The following GPATCH8 variants were observed in gnomAD, a reference collection of about 807,000 sequenced individuals.
GPATCH8 encodes the protein G patch domain-containing protein 8.
In GPATCH8, 18 loss-of-function variants were observed where a neutral mutation model predicts 118.3. The ratio of observed to expected loss-of-function variants is 0.15; its 90% CI spans 0.11 to 0.23. The LOEUF (loss-of-function observed/expected upper bound fraction) is 0.23. GPATCH8 is among the 10% of genes least tolerant of loss of function. The probability of loss-of-function intolerance (pLI) is 1.00; values close to 1 mark genes in which losing one functional copy is unlikely to be tolerated. For synonymous variants in GPATCH8, 659 were observed against 684.7 expected (o/e 0.96, Z 0.59); for missense variants, 1,631 against 1,873.8 (o/e 0.87, Z 2.39).
At chr17:44,440,273 C>T (rs915627950) in intron 3 of GPATCH8, among the ~76,000 whole-genome samples, 2 of 152,180 alleles carry the variant, frequency 1.3e-5, no homozygotes, top group Non-Finnish European at 2.9e-5. Context: ...AAAAGATCTA[C>T]AGACACTTAC....
intron 3 of GPATCH8, among the ~76,000 whole-genome samples, chr17:44,441,287 AAAGG>A (rs1254090919): frequency 5.9e-5 from 9 of 152,250 alleles, no homozygotes; most frequent in Non-Finnish European, 1.3e-4. Context: ...AACAAATTAG[AAAGG>A]AAGAAGCTTC....
chr17:44,469,103 A>G (rs902779622), intron 2 of GPATCH8, among the ~76,000 whole-genome samples: 6 of 152,294 alleles, frequency 3.9e-5, no homozygotes, highest in Non-Finnish European at 8.8e-5. Flanking sequence ...CTATTTCTAC[A>G]CATAAATATA....
chr17:44,468,164 G>C (rs377041275), intron 2 of GPATCH8, among the ~76,000 whole-genome samples: 15 of 151,628 alleles, frequency 9.9e-5, no homozygotes, highest in Non-Finnish European at 1.9e-4. Flanking sequence ...GTAGAGACAG[G>C]GTTTCACCAC....
At chr17:44,434,886 C>T (rs973843025) in intron 5 of GPATCH8, among the ~76,000 whole-genome samples, 179 bp downstream of exon 5, 3 of 152,162 alleles carry the variant, frequency 2.0e-5, no homozygotes, top group Non-Finnish European at 4.4e-5. Context: ...ATTATTATCT[C>T]TATAGTTTAT....
At chr17:44,409,649 T>G (rs1340043884) in intron 6 of GPATCH8, among the ~76,000 whole-genome samples, 1 of 152,202 alleles carries the variant, frequency 6.6e-6, no homozygotes, top group Non-Finnish European at 1.5e-5. Flanking sequence ...TACTAGCCAA[T>G]CCACTTATTA....
At chr17:44,431,742 G>A (rs925073953) in intron 5 of GPATCH8, among the ~76,000 whole-genome samples, 1 of 151,862 alleles carries the variant, frequency 6.6e-6, no homozygotes, top group Non-Finnish European at 1.5e-5. Context: ...ACCAGCCTGG[G>A]CAACATAGTG....
At chr17:44,420,794 G>A (rs781239043) in intron 6 of GPATCH8, among the ~76,000 whole-genome samples, 1 of 152,084 alleles carries the variant, frequency 6.6e-6, no homozygotes, top group African/African-American at 2.4e-5. Context: ...AATCTGTTTT[G>A]CTTTTTTTCC....
intron 3 of GPATCH8, among the ~76,000 whole-genome samples, chr17:44,462,983 A>AAC: frequency 1.2e-5 from 1 of 83,558 alleles, no homozygotes; most frequent in Non-Finnish European, 2.7e-5. Flanking sequence ...TCCACTTCAA[A>AAC]ATATAAATAA....
intron 2 of GPATCH8, 187 bp downstream of exon 2, chr17:44,474,642 G>C (rs928925296): frequency 7.4e-6 from 5 of 677,560 alleles, no homozygotes; most frequent in African/African-American, 7.1e-5. Flanking sequence ...TTTTTGGACT[G>C]ATTTCCCAAC....
intron 2 of GPATCH8, among the ~76,000 whole-genome samples, chr17:44,472,213 T>C (rs77507629): frequency 0.02 from 3,026 of 152,300 alleles, 107 homozygotes; most frequent in African/African-American, 0.069. Flanking sequence ...GCCTGAGTAC[T>C]ATATACTATT....
chr17:44,483,313 C>T (rs2144423598), intron 1 of GPATCH8, among the ~76,000 whole-genome samples: 1 of 141,528 alleles, frequency 7.1e-6, no homozygotes, highest in East Asian at 2.2e-4. Flanking sequence ...TGCAGTGGCA[C>T]CATCTCGGCT....
intron 1 of GPATCH8, among the ~76,000 whole-genome samples, chr17:44,492,568 C>A (rs1383114716): frequency 6.6e-6 from 1 of 151,498 alleles, no homozygotes; most frequent in Non-Finnish European, 1.5e-5. Flanking sequence ...CAAGACTTCG[C>A]CTCAAAAAAA....
chr17:44,502,439 G>C (rs999339927), intron 1 of GPATCH8, among the ~76,000 whole-genome samples: 1 of 150,816 alleles, frequency 6.6e-6, no homozygotes, highest in Non-Finnish European at 1.5e-5. Flanking sequence ...TTTAGTCTTC[G>C]AGATTTCCGC....
rs1491260519 is a variant in GPATCH8, at chr17:44,448,503, A to AAG, written c.194-11959_194-11958insCT. Among the ~76,000 whole-genome samples, 160 of 63,742 alleles carry AAG rather than the reference A, an allele frequency of 2.5e-3. 7 individuals are homozygous for AAG. The highest frequency in any genetic ancestry group is 2.9e-3 in the Non-Finnish European group (104 of 35,668). 41.8% of individuals were successfully genotyped at this position (63,742 alleles called of 152,430 possible). A position where few individuals can be genotyped will look rare whatever the true frequency, so the allele number is the denominator to read the frequency against. On this transcript the variant is annotated intron_variant, in intron 3 of 7. Coordinates refer to ENST00000591680, the MANE Select transcript of GPATCH8 (RefSeq NM_001002909.4). ...ATCACGTGAGCCAAAAAAAAAAAAA[A>AAG]GGGGGGGGGGGGAAGAAGGAGGAAG...
At chr17:44,467,991 A>C (rs2144328847) in intron 2 of GPATCH8, among the ~76,000 whole-genome samples, 1 of 152,024 alleles carries the variant, frequency 6.6e-6, no homozygotes, top group African/African-American at 2.4e-5. Flanking sequence ...AAATTATTCC[A>C]ATTATTCCAG....
intron 2 of GPATCH8, chr17:44,473,604 T>G (rs968001553): frequency 6.6e-5 from 10 of 152,098 alleles, no homozygotes; most frequent in African/African-American, 2.4e-4. Context: ...GCCAGCACAT[T>G]AAGACAGAAG....
In GPATCH8 at chr17:44,399,601, G is replaced by T. The variant is rs765042666; in HGVS notation, c.2476C>A (p.His826Asn). Residue 826 changes from histidine to asparagine, a missense_variant, in exon 8 of 8, where the codon CAC becomes AAC. Coordinates refer to ENST00000591680, the MANE Select transcript of GPATCH8 (RefSeq NM_001002909.4). ...GDEDSDDASS[H>N]RLHQKSPSQY... ...GATGGAGACTTCTGGTGCAGCCGGT[G>T]TGAGGAAGCATCATCACTATCCTCA... 2 of 1,614,226 alleles carry T rather than the reference G, an allele frequency of 1.2e-6. No homozygotes were observed. The highest frequency in any genetic ancestry group is 8.5e-7 in the Non-Finnish European group (1 of 1,180,036).
In GPATCH8 at chr17:44,420,058, G is replaced by A. The variant is rs79361600; in HGVS notation, c.492+4291C>T. On this transcript the variant is annotated intron_variant, in intron 6 of 7. Transcript: ENST00000591680. The stretch of plus-strand genomic sequence containing the variant: ...ACATGGTTTTTTTTTTTTTTAATGC[G>A]TAAGATGAGCTTTTAAGATGAAGAA... Among the ~76,000 whole-genome samples the A allele has an allele frequency of 3.0e-3, 454 of 149,040 alleles. 5 individuals carry two copies. Among genetic ancestry groups the A allele is most frequent in the African/African-American group, 0.011 (435 of 40,466 alleles).
At chr17:44,462,864 C>T (rs1442813792) in intron 3 of GPATCH8, among the ~76,000 whole-genome samples, 1 of 151,930 alleles carries the variant, frequency 6.6e-6, no homozygotes, top group Admixed American at 6.6e-5. Flanking sequence ...GCCTGTAGTC[C>T]CAGCTACTTG....
Sources: allele counts gnomAD v4.1 joint callset (sites outside exome capture counted in the v4.1 genomes callset), GRCh38; gene constraint gnomAD v4.1.1; transcripts MANE v1.5; gene names NCBI Gene and HGNC (gene_info 2026-07-23, HGNC 2026-07-21).